MYCBP2: variants seen among roughly 807,000 people sequenced by gnomAD.
MYCBP2 encodes MYC binding protein 2.
Under a neutral mutation model 525.3 loss-of-function variants are expected in MYCBP2, and 120 were observed. The ratio of observed to expected loss-of-function variants is 0.23; its 90% CI spans 0.20 to 0.27. MYCBP2 has a LOEUF of 0.27. MYCBP2 is among the 10% of genes least tolerant of loss of function. The probability of loss-of-function intolerance (pLI) is 1.00; values close to 1 mark genes in which losing one functional copy is unlikely to be tolerated. For missense variants in MYCBP2, 4,149 were observed against 5,657.1 expected (o/e 0.73, Z 8.55); for synonymous variants, 1,894 against 1,955.8 (o/e 0.97, Z 0.83).
rs2040397178 is a variant in MYCBP2, at chr13:77,067,439, A to AC, written c.12455+141dup. ...AAATGACACTTTTATTATATACATG[A>AC]CCTTTTTAGATATTAGCCAGTTGTT... On this transcript the variant is annotated intron_variant, in intron 71 of 82. Coordinates refer to ENST00000544440, the MANE Select transcript of MYCBP2 (RefSeq NM_015057.5). 26 of 781,888 alleles carry AC rather than the reference A, an allele frequency of 3.3e-5. No individual in the cohort carries two copies. The South Asian group carries it at 4.7e-4, about 14-fold the overall frequency. The allele number at this position is 781,888 out of a possible 1,614,324, so 48.4% of individuals were successfully genotyped here.
chr13:77,194,478 C>A (rs953124049), intron 26 of MYCBP2, among the ~76,000 whole-genome samples: 3 of 152,134 alleles, frequency 2.0e-5, no homozygotes, highest in African/African-American at 7.2e-5. Flanking sequence ...ATATATTCAT[C>A]TATTTACATC....
chr13:77,200,953 G>A (rs2154268699), intron 26 of MYCBP2, among the ~76,000 whole-genome samples: 1 of 152,062 alleles, frequency 6.6e-6, no homozygotes, highest in Non-Finnish European at 1.5e-5. Flanking sequence ...AAAATGTAAA[G>A]ACCATCGAGA....
intron 80 of MYCBP2, among the ~76,000 whole-genome samples, chr13:77,054,050 T>C (rs1301005879): frequency 6.6e-6 from 1 of 151,830 alleles, no homozygotes; most frequent in Non-Finnish European, 1.5e-5. Context: ...TTGATGGAAG[T>C]GAGATGGGGG....
At position 77,083,126 on chromosome 13, in the gene MYCBP2, G is replaced by C; in HGVS notation, c.10942C>G (p.Pro3648Ala). The C allele has an allele frequency of 6.2e-7, 1 of 1,613,626 alleles. No individual in the cohort carries two copies. Among genetic ancestry groups the C allele is most frequent in the Non-Finnish European group, 8.5e-7 (1 of 1,179,682 alleles). ...DIVIAGEAAH[P>A]LPHTFHRLLQ... is the part of the protein sequence containing the mutation. Reference sequence around the variant, plus strand: ...AAGCGGTGAAAGGTGTGTGGTAAAGGATGAGCAGCTTCCCCGGCAATCACT... The same window carrying C: ...AAGCGGTGAAAGGTGTGTGGTAAAGCATGAGCAGCTTCCCCGGCAATCACT... The change falls in exon 63 of 83, where the codon CCT becomes GCT. Residue 3648 changes from proline to alanine, a missense_variant. Physicochemically the swap from Pro to Ala is conservative, Grantham distance 27. This residue lies in a region of MYCBP2 where 509 missense variants were observed against 789.4 expected (regional missense o/e 0.64). Coordinates refer to ENST00000544440, the MANE Select transcript of MYCBP2 (RefSeq NM_015057.5).
chr13:77,223,060 T>G (rs1168411309), intron 20 of MYCBP2, among the ~76,000 whole-genome samples: 1 of 152,220 alleles, frequency 6.6e-6, no homozygotes, highest in East Asian at 1.9e-4. Flanking sequence ...TAAATACTCC[T>G]GTTTCCATGG....
chr13:77,281,161 A>G (rs1331518681), intron 3 of MYCBP2, among the ~76,000 whole-genome samples: 1 of 152,190 alleles, frequency 6.6e-6, no homozygotes, highest in African/African-American at 2.4e-5. Context: ...CTCCTTCAGT[A>G]TCAGGAAGGA....
chr13:77,189,015 C>T lies in MYCBP2; in HGVS notation c.4187G>A (p.Gly1396Asp). 1 of 1,610,326 alleles carries T rather than the reference C, an allele frequency of 6.2e-7. No homozygotes were observed. The highest frequency in any genetic ancestry group is 2.2e-5 in the East Asian group (1 of 44,526). ...TACAGGTTCACTGGTTTGCTGTTTG[C>T]CTTTTGAAGCACTGCCATCACTGGT... The part of the protein sequence containing the change: ...LPTSDGSASK[G>D]KQQTSEPVHI... The change falls in exon 30 of 83, where the codon GGC (glycine) becomes GAC (aspartate). Residue 1396 changes from glycine (G) to aspartate (D), a missense_variant. Gly to Asp is a moderately conservative substitution (Grantham distance 94). This residue lies in a region of MYCBP2 where 292 missense variants were observed against 330.5 expected (regional missense o/e 0.88). Coordinates refer to ENST00000544440, the MANE Select transcript of MYCBP2 (RefSeq NM_015057.5).
chr13:77,203,517 A>C (rs985272411), intron 26 of MYCBP2, among the ~76,000 whole-genome samples: 42 of 151,910 alleles, frequency 2.8e-4, no homozygotes, highest in Non-Finnish European at 5.2e-4. Context: ...GCTACCAATG[A>C]CTTTCTTCAC....
chr13:77,143,854 A>G lies in MYCBP2; in HGVS notation c.7303+591T>C, dbSNP rs143827073. ...GAATACTGCAGGTAACTGTAACACAATGGTAAGGATTTGCATATCTAAACA... is the reference window on the plus strand; with the variant it reads ...GAATACTGCAGGTAACTGTAACACAGTGGTAAGGATTTGCATATCTAAACA... On this transcript the variant is annotated intron_variant, in intron 49 of 82. Coordinates refer to ENST00000544440, the MANE Select transcript of MYCBP2 (RefSeq NM_015057.5). Among the ~76,000 whole-genome samples the G allele has an allele frequency of 3.3e-5, 5 of 152,300 alleles. No individual in the cohort carries two copies. In the East Asian group the frequency reaches 5.8e-4, roughly 18 times the overall value.
intron 40 of MYCBP2, 33 bp from the exon 41 acceptor site, chr13:77,166,587 G>GAT (rs770645463): frequency 7.8e-5 from 113 of 1,449,236 alleles, no homozygotes; most frequent in African/African-American, 2.9e-4. Context: ...CATGAATACA[G>GAT]ATATATATAT....
At position 77,177,886 on chromosome 13, in the gene MYCBP2, G is replaced by A. The variant is rs779579051; in HGVS notation, c.5202C>T (p.Gly1734=). The A allele has an allele frequency of 6.2e-7, 1 of 1,613,578 alleles. No individual in the cohort carries two copies. Among genetic ancestry groups the A allele is most frequent in the East Asian group, 2.2e-5 (1 of 44,868 alleles). ...ACCCGTTCCCAGTGTTCCAACTTCT[G>A]CCCTGACTTGTTTTTGTAAATCGGT... ...SANRFTKTSQ[G]RSWNTGNGSP... The change falls in exon 35 of 83, where the codon GGC becomes GGT. Residue 1734 remains glycine, a synonymous_variant. Coordinates refer to ENST00000544440, the MANE Select transcript of MYCBP2 (RefSeq NM_015057.5).
intron 17 of MYCBP2, among the ~76,000 whole-genome samples, chr13:77,238,645 A>T (rs533969639): frequency 9.2e-5 from 14 of 152,340 alleles, no homozygotes; most frequent in South Asian, 2.1e-4. Context: ...AAGATAAATT[A>T]AAAAAATTAA....
chr13:77,267,610 T>C lies in MYCBP2; in HGVS notation c.1357+231A>G, dbSNP rs142181383. On this transcript the variant is annotated intron_variant, in intron 8 of 82. Transcript: ENST00000544440. ...TGGGGTGAGGTCAGAGATTAGGCCATAGACGGCCAAGTTTGAAAACAAATA... is the reference window on the plus strand; with the variant it reads ...TGGGGTGAGGTCAGAGATTAGGCCACAGACGGCCAAGTTTGAAAACAAATA... Among the ~76,000 whole-genome samples, 153 of 152,232 alleles carry C rather than the reference T, an allele frequency of 1.0e-3. 2 individuals carry two copies. The East Asian group carries it at 0.021, about 21-fold the overall frequency.
At chr13:77,141,053 T>A (rs557267570) in intron 49 of MYCBP2, 110 bp from the exon 50 acceptor site, 82 of 739,058 alleles carry the variant, frequency 1.1e-4, no homozygotes, top group Middle Eastern at 2.6e-4. Context: ...AACACAAATA[T>A]CTGATTTCTG....
chr13:77,310,605 C>CAT (rs767023394), intron 1 of MYCBP2, among the ~76,000 whole-genome samples: 8 of 151,940 alleles, frequency 5.3e-5, no homozygotes, highest in South Asian at 4.2e-4. Context: ...CAAACAGTAT[C>CAT]ATATATATAT....
chr13:77,261,172 T>C lies in MYCBP2; in HGVS notation c.1851A>G (p.Ser617=), dbSNP rs1023475025. The C allele has an allele frequency of 1.2e-6, 2 of 1,610,674 alleles. No homozygotes were observed. Among genetic ancestry groups the C allele is most frequent in the South Asian group, 1.1e-5 (1 of 90,508 alleles). ...TGCATAGTTGATCACTCAACTTACT[T>C]GATTCTCCATCTTCTCCTTTACTAG... ...GSASKGEDGE[S]TKSRRQSKPY... Residue 617 remains serine (S), a splice_region_variant and synonymous_variant, in exon 12 of 83, where the codon TCA becomes TCG. Transcript: ENST00000544440.
chr13:77,113,060 G>A (rs1390365099), intron 55 of MYCBP2, among the ~76,000 whole-genome samples: 1 of 152,134 alleles, frequency 6.6e-6, no homozygotes, highest in Non-Finnish European at 1.5e-5. Context: ...ACAGTGCTTA[G>A]TACACTGCCT....
chr13:77,099,442 A>G, intron 55 of MYCBP2: 1 of 197,242 alleles, frequency 5.1e-6, no homozygotes, highest in South Asian at 8.6e-5. Context: ...GATACCTCGC[A>G]TCCTTAGGGC....
At chr13:77,244,636 A>C (rs1346332463) in intron 15 of MYCBP2, among the ~76,000 whole-genome samples, 1 of 152,268 alleles carries the variant, frequency 6.6e-6, no homozygotes, top group Non-Finnish European at 1.5e-5. Flanking sequence ...CACCAAAAGC[A>C]ATGGCAACAA....
Sources: gnomAD v4.1 joint callset for allele counts (sites outside exome capture counted in the v4.1 genomes callset) on GRCh38, gnomAD v4.1.1 for gene constraint, gnomAD v4.1.1 regional missense constraint, MANE v1.5 for transcripts, NCBI Gene and HGNC (gene_info 2026-07-23, HGNC 2026-07-21) for gene names.